Variants in PTPN21 observed in about 807,000 individuals in gnomAD.
PTPN21 encodes the protein tyrosine-protein phosphatase non-receptor type 21.
Under a neutral mutation model 131.8 loss-of-function variants are expected in PTPN21, and 77 were observed. That is an observed-to-expected ratio of 0.58 (90% CI 0.49 to 0.71). The LOEUF (loss-of-function observed/expected upper bound fraction) is 0.71. PTPN21 is among the 30% of genes least tolerant of loss of function. The probability of loss-of-function intolerance (pLI) is 0.00; values close to 1 mark genes in which losing one functional copy is unlikely to be tolerated. For synonymous variants in PTPN21, 715 were observed against 621.3 expected (o/e 1.15, Z -2.24); for missense variants, 1,552 against 1,527.1 (o/e 1.02, Z -0.27).
chr14:88,502,851 G>A (rs1053725445), intron 6 of PTPN21, among the ~76,000 whole-genome samples: 2 of 152,128 alleles, frequency 1.3e-5, no homozygotes, highest in Admixed American at 6.5e-5. Context: ...CCATGAGCAC[G>A]TGGAAGGAGA....
chr14:88,552,687 T>C (rs1419044491), intron 1 of PTPN21, among the ~76,000 whole-genome samples: 1 of 152,198 alleles, frequency 6.6e-6, no homozygotes, highest in Non-Finnish European at 1.5e-5. Flanking sequence ...AAAAGCACCA[T>C]ACTATGGAGG....
At chr14:88,508,525 TACTTA>T in intron 3 of PTPN21, among the ~76,000 whole-genome samples, 1 of 152,292 alleles carries the variant, frequency 6.6e-6, no homozygotes, top group Middle Eastern at 3.4e-3. Context: ...TGTGATGAAT[TACTTA>T]TCCCAGATTA....
At chr14:88,514,171 T>C (rs1167150790) in intron 3 of PTPN21, among the ~76,000 whole-genome samples, 1 of 152,212 alleles carries the variant, frequency 6.6e-6, no homozygotes, top group Admixed American at 6.5e-5. Flanking sequence ...GGAATCCTAT[T>C]ACATCTATTT....
chr14:88,482,239 A>G (rs1002918228), intron 12 of PTPN21, among the ~76,000 whole-genome samples: 3 of 152,216 alleles, frequency 2.0e-5, no homozygotes, highest in African/African-American at 7.2e-5. Flanking sequence ...AGTGTCAGAT[A>G]GCTACAGAGG....
chr14:88,468,814 T>C (rs2077405986), intron 18 of PTPN21, 102 bp downstream of exon 18: 2 of 1,468,966 alleles, frequency 1.4e-6, no homozygotes, highest in Non-Finnish European at 9.4e-7. Context: ...GCCACCACAG[T>C]CCAAGGAAAT....
chr14:88,538,467 G>C (rs376298552), intron 2 of PTPN21, among the ~76,000 whole-genome samples: 1 of 152,256 alleles, frequency 6.6e-6, no homozygotes, highest in East Asian at 1.9e-4. Context: ...AACACCCTGG[G>C]GATTCCCCAA....
Position 88,506,679 on chromosome 14 carries a change from G to A in PTPN21, c.448+1244C>T, listed in dbSNP as rs189607152. Among the ~76,000 whole-genome samples, 177 of 152,172 alleles carry A rather than the reference G, an allele frequency of 1.2e-3. 4 individuals are homozygous for A. Among genetic ancestry groups the A allele is most frequent in the African/African-American group, 4.0e-3 (166 of 41,520 alleles). On this transcript the variant is annotated intron_variant, in intron 4 of 18. Coordinates refer to ENST00000556564, the MANE Select transcript of PTPN21 (RefSeq NM_007039.4). ...GGGTGAGGGATAAAAGTCTATACAT[G>A]GGGTACAGGGTACACTGCTCAGGTG...
intron 2 of PTPN21, among the ~76,000 whole-genome samples, chr14:88,546,859 G>A (rs577642516): frequency 2.6e-5 from 4 of 152,176 alleles, no homozygotes; most frequent in Non-Finnish European, 5.9e-5. Context: ...CCTGATGCCT[G>A]AGCCATCTGT....
At position 88,554,910 on chromosome 14, in the gene PTPN21, G is replaced by A. The variant is rs1181380598; in HGVS notation, c.-462C>T. Among the ~76,000 whole-genome samples, 15 of 151,756 alleles carry A rather than the reference G, an allele frequency of 9.9e-5. 1 individual carries two copies. The South Asian group carries it at 2.7e-3, about 27-fold the overall frequency. On this transcript the variant is annotated 5_prime_UTR_variant, in exon 1 of 19. Transcript: ENST00000556564. ...CGGCCGGCGAGGAGCGCCGCACAAA[G>A]AAGCCCCGTGGGGGCGGGGGGTGGC...
At chr14:88,499,208 A>C (rs1286847175) in intron 8 of PTPN21, 1 of 152,200 alleles carries the variant, frequency 6.6e-6, no homozygotes. Context: ...GGAGCCACCC[A>C]GCCCAGGGCA....
Position 88,495,013 on chromosome 14 carries a change from CAAAAAAAA to C in PTPN21, c.932+1392_932+1399del, listed in dbSNP as rs386382090. On this transcript the variant is annotated intron_variant, in intron 10 of 18. Transcript: ENST00000556564. The stretch of plus-strand genomic sequence containing the variant: ...GGGTGACAGAGCGAGACTCTGTCTC[CAAAAAAAA>C]AAAAAAAAAAAAAAAAAAGAAGAGT... 7.3e-4 allele frequency among the ~76,000 whole-genome samples: 36 copies of C among 49,188 alleles called. 1 individual carries two copies. Among genetic ancestry groups the C allele is most frequent in the Admixed American group, 2.4e-3 (6 of 2,478 alleles). 32.3% of individuals were successfully genotyped at this position (49,188 alleles called of 152,430 possible).
intron 3 of PTPN21, among the ~76,000 whole-genome samples, chr14:88,510,225 A>G (rs1341447527): frequency 2.6e-5 from 4 of 152,202 alleles, no homozygotes; most frequent in African/African-American, 9.6e-5. Flanking sequence ...TTTAAATGCT[A>G]TACCAGGAAA....
Position 88,468,119 on chromosome 14 carries a change from G to A in PTPN21, c.*18C>T, listed in dbSNP as rs1190919094. On this transcript the variant is annotated 3_prime_UTR_variant, in exon 19 of 19. Transcript: ENST00000556564. The stretch of plus-strand genomic sequence containing the variant: ...GTAAACGCTTCACATGACTGGCCCC[G>A]TAAGAAATTGTGGGAGCTTAGATGA... 18 of 1,613,148 alleles carry A rather than the reference G, an allele frequency of 1.1e-5. No homozygotes were observed. Among genetic ancestry groups the A allele is most frequent in the East Asian group, 2.2e-5 (1 of 44,886 alleles).
chr14:88,505,383 GACAA>G lies in PTPN21; in HGVS notation c.449-16_449-13del, dbSNP rs2139282452. 1.3e-6 allele frequency: 2 copies of G among 1,566,378 alleles called. No homozygotes were observed. Among genetic ancestry groups the G allele is most frequent in the East Asian group, 4.5e-5 (2 of 44,430 alleles). ...GTCACCAAAATCCGCTATATAGAAT[GACAA>G]ACATTCACGTTAATTATATTTAAAT... On this transcript the variant is annotated splice_polypyrimidine_tract_variant and intron_variant, in intron 4 of 18. Coordinates refer to ENST00000556564, the MANE Select transcript of PTPN21 (RefSeq NM_007039.4).
intron 2 of PTPN21, among the ~76,000 whole-genome samples, chr14:88,541,015 G>A (rs991900654): frequency 1.3e-5 from 2 of 151,508 alleles, no homozygotes; most frequent in East Asian, 2.0e-4. Flanking sequence ...GAGATTACCC[G>A]TATATTTTCT....
intron 18 of PTPN21, 76 bp downstream of exon 18, chr14:88,468,840 T>C (rs2077406543): frequency 6.3e-7 from 1 of 1,577,600 alleles, no homozygotes; most frequent in African/African-American, 1.3e-5. Context: ...CAAAAAGAGC[T>C]ATTAAGTCAC....
Position 88,496,448 on chromosome 14 carries a change from C to T in PTPN21, c.897G>A (p.Ala299=), listed in dbSNP as rs762919464. The change falls in exon 10 of 19, where the codon GCG becomes GCA. Residue 299 remains alanine (A), a synonymous_variant. Coordinates refer to ENST00000556564, the MANE Select transcript of PTPN21 (RefSeq NM_007039.4). ...GGTTTAGTCTGTAAAACTTGTGTCG[C>T]GCAACACAGAGTCTCCAAATGTATT... ...TAKYIWRLCV[A]RHKFYRLNQC... 21 of 1,613,766 alleles carry T rather than the reference C, an allele frequency of 1.3e-5. No homozygotes were observed. In the Admixed American group the frequency reaches 1.3e-4, roughly 10 times the overall value.
Position 88,500,861 on chromosome 14 carries a change from C to G in PTPN21, c.686G>C (p.Gly229Ala), listed in dbSNP as rs758931297. Residue 229 changes from glycine to alanine, a missense_variant, in exon 8 of 19, where the codon GGA (glycine) becomes GCA (alanine). Coordinates refer to ENST00000556564, the MANE Select transcript of PTPN21 (RefSeq NM_007039.4). Reference protein sequence around the residue: ...EESYPAKDSQGSDISIGACLE... With the variant: ...EESYPAKDSQASDISIGACLE... ...ACACGCTCCAATGGATATGTCACTT[C>G]CTTGGCTATCCTACAAGGAGAAAGC... is the stretch of plus-strand genomic sequence containing the variant. The G allele has an allele frequency of 6.2e-7, 1 of 1,612,460 alleles. No homozygotes were observed. Among genetic ancestry groups the G allele is most frequent in the Non-Finnish European group, 8.5e-7 (1 of 1,178,600 alleles).
rs1566811666 is a variant in PTPN21 at position 88,479,058 on chromosome 14, C to T, written c.2373G>A (p.Leu791=). 1 of 1,606,916 alleles carries T rather than the reference C, an allele frequency of 6.2e-7. No individual in the cohort carries two copies. Among genetic ancestry groups the T allele is most frequent in the Admixed American group, 1.7e-5 (1 of 59,472 alleles). ...CGGACTCCGACATGGAGGGCATCAGCAGCCCGTCTCTCCAGGGCCGCTGGG... is the reference window on the plus strand; with the variant it reads ...CGGACTCCGACATGGAGGGCATCAGTAGCCCGTCTCTCCAGGGCCGCTGGG... ...AEAQRPWRDG[L]LMPSMSESDL... The change falls in exon 13 of 19, where the codon CTG becomes CTA. Residue 791 remains leucine (L), a synonymous_variant. Coordinates refer to ENST00000556564, the MANE Select transcript of PTPN21 (RefSeq NM_007039.4).
Sources: gnomAD v4.1 joint callset for allele counts (sites outside exome capture counted in the v4.1 genomes callset) on GRCh38, gnomAD v4.1.1 for gene constraint, MANE v1.5 for transcripts, NCBI Gene and HGNC (gene_info 2026-07-23, HGNC 2026-07-21) for gene names.